The following POLR1E variants were observed in gnomAD, a reference collection of about 807,000 sequenced individuals.
The protein encoded by POLR1E is RNA polymerase I subunit E.
Under a neutral mutation model 50.9 loss-of-function variants are expected in POLR1E, and 37 were observed. That is an observed-to-expected ratio of 0.73 (90% CI 0.56 to 0.96). The LOEUF is 0.96. Ranked by LOEUF, POLR1E falls within the 40% of genes least tolerant of loss-of-function variation. POLR1E has a pLI of 0.00. For missense variants in POLR1E, 426 were observed against 518.1 expected, an observed-to-expected ratio of 0.82 and a Z score of 1.73; for synonymous variants, 166 against 191.6, an observed-to-expected ratio of 0.87 and a Z score of 1.10.
At chr9:37,487,358 A>G (rs1410820235) in intron 2 of POLR1E, among the ~76,000 whole-genome samples, 1 of 152,214 alleles carries the variant, frequency 6.6e-6, no homozygotes, top group African/African-American at 2.4e-5. Flanking sequence ...TGGTGAGGTC[A>G]TGTTGGAGCT....
At chr9:37,486,899 G>GGGGAGTAGT in intron 2 of POLR1E, 93 bp downstream of exon 2, 1 of 1,450,900 alleles carries the variant, frequency 6.9e-7, no homozygotes, top group Non-Finnish European at 9.2e-7. Context: ...GGGAGAAAAA[G>GGGGAGTAGT]GGGAGTAGTA....
chr9:37,486,365 C>T, intron 1 of POLR1E: 1 of 1,472,454 alleles, frequency 6.8e-7, no homozygotes, highest in Non-Finnish European at 9.1e-7. Context: ...CCTGCTGACC[C>T]CCTCACCCAC....
chr9:37,503,541 A>G lies in POLR1E; in HGVS notation c.*339A>G. 5.5e-6 allele frequency: 1 copy of G among 181,744 alleles called. No individual in the cohort carries two copies. Among genetic ancestry groups the G allele is most frequent in the Non-Finnish European group, 1.2e-5 (1 of 86,824 alleles). 11.3% of individuals were successfully genotyped at this position (181,744 alleles called of 1,614,324 possible). A position where few individuals can be genotyped will look rare whatever the true frequency, so the allele number is the denominator to read the frequency against. On this transcript the variant is annotated 3_prime_UTR_variant, in exon 12 of 12. Transcript: ENST00000377798. The stretch of plus-strand genomic sequence containing the variant: ...TGCAGTGAGCTATGATTGTGTGGCC[A>G]CACTCCATCCTGGGTCACAGAGTGA...
At chr9:37,498,014 C>T (rs891955550) in intron 8 of POLR1E, 77 bp from the exon 9 acceptor site, 67 of 1,516,352 alleles carry the variant, frequency 4.4e-5, no homozygotes, top group Non-Finnish European at 5.4e-5. Context: ...CTGCTGTTCT[C>T]GTTGTAAGAG....
rs750335393 is a variant in POLR1E at position 37,495,989 on chromosome 9, AC to A, written c.752+6del. On this transcript the variant is annotated splice_donor_region_variant and intron_variant, in intron 8 of 11. Transcript: ENST00000377798. ...CTGAAGATGATTGAGGAGAACAGGTACCCTGACTTAAGCAGATGGGGATTCT... is the reference window on the plus strand; with the variant it reads ...CTGAAGATGATTGAGGAGAACAGGTACCTGACTTAAGCAGATGGGGATTCT... 24 of 1,609,568 alleles carry A rather than the reference AC, an allele frequency of 1.5e-5. No homozygotes were observed. The highest frequency in any genetic ancestry group is 2.0e-5 in the Non-Finnish European group (24 of 1,176,044).
At chr9:37,499,061 A>G (rs1434090188) in intron 9 of POLR1E, among the ~76,000 whole-genome samples, 1 of 152,218 alleles carries the variant, frequency 6.6e-6, no homozygotes, top group Admixed American at 6.5e-5. Flanking sequence ...ATTATAGGCA[A>G]TTGTAACACA....
In POLR1E at chr9:37,486,630, G is replaced by T. The variant is rs752124432; in HGVS notation, c.77-73G>T. 5.6e-6 allele frequency: 9 copies of T among 1,614,012 alleles called. No homozygotes were observed. In the African/African-American group the frequency reaches 9.3e-5, roughly 17 times the overall value. ...GACACTCCCTCCCAGTGACAGTCTA[G>T]TCCCACCGTACATTGTGTGGTACAT... On this transcript the variant is annotated intron_variant, in intron 1 of 11. Coordinates refer to ENST00000377798, the MANE Select transcript of POLR1E (RefSeq NM_022490.4).
intron 1 of POLR1E, 93 bp downstream of exon 1, chr9:37,486,216 C>T (rs1820571590): frequency 1.4e-6 from 2 of 1,432,774 alleles, no homozygotes; most frequent in Non-Finnish European, 9.3e-7. Flanking sequence ...TTGGGCTTCT[C>T]CCCAGCGGGG....
chr9:37,497,565 C>A (rs1332690941), intron 8 of POLR1E, among the ~76,000 whole-genome samples: 1 of 152,142 alleles, frequency 6.6e-6, no homozygotes, highest in East Asian at 1.9e-4. Flanking sequence ...GGAGCACAGC[C>A]CTGTTCATTT....
chr9:37,502,923 C>A, intron 11 of POLR1E, 120 bp from the exon 12 acceptor site: 2 of 1,127,220 alleles, frequency 1.8e-6, no homozygotes, highest in Non-Finnish European at 2.5e-6. Flanking sequence ...TGCCTGCTGG[C>A]AACCTTTGGG....
intron 8 of POLR1E, among the ~76,000 whole-genome samples, 182 bp from the exon 9 acceptor site, chr9:37,497,909 T>C (rs1820812126): frequency 6.6e-6 from 1 of 152,150 alleles, no homozygotes; most frequent in South Asian, 2.1e-4. Flanking sequence ...ACCACACACA[T>C]GTGCCACCAT....
Position 37,498,162 on chromosome 9 carries a change from G to A in POLR1E, c.824G>A (p.Arg275Gln), listed in dbSNP as rs750699084. 27 of 1,613,816 alleles carry A rather than the reference G, an allele frequency of 1.7e-5. No homozygotes were observed. Among genetic ancestry groups the A allele is most frequent in the Admixed American group, 1.5e-4 (9 of 59,984 alleles). ...SDVESRDRQA[R>Q]CIWFLDTLIK... ...GTGGAGAGCCGAGACCGCCAGGCCC[G>A]ATGCATATGGTTTCTGGATACCCTC... Residue 275 changes from arginine to glutamine, a missense_variant, in exon 9 of 12, where the codon CGA (arginine) becomes CAA (glutamine). Transcript: ENST00000377798.
Position 37,498,122 on chromosome 9 carries a change from T to G in POLR1E, c.784T>G (p.Ser262Ala). Residue 262 changes from serine to alanine, a missense_variant, in exon 9 of 12, where the codon TCT becomes GCT. Coordinates refer to ENST00000377798, the MANE Select transcript of POLR1E (RefSeq NM_022490.4). ...HCTFVIEALK[S>A]LPSDVESRDR... is the part of the protein sequence containing the mutation. ...CACCTTTGTCATAGAAGCGTTGAAG[T>G]CTTTGCCATCAGATGTGGAGAGCCG... 1 of 1,614,146 alleles carries G rather than the reference T, an allele frequency of 6.2e-7. No homozygotes were observed. The highest frequency in any genetic ancestry group is 8.5e-7 in the Non-Finnish European group (1 of 1,180,006).
At chr9:37,487,997 CTGGCACTG>C in intron 3 of POLR1E, 58 bp downstream of exon 3, 1 of 1,525,522 alleles carries the variant, frequency 6.6e-7, no homozygotes, top group South Asian at 1.1e-5. Flanking sequence ...GGTGGCAGCA[CTGGCACTG>C]CTGTTTCCTG....
chr9:37,486,638 G>A lies in POLR1E; in HGVS notation c.77-65G>A, dbSNP rs565900075. The A allele has an allele frequency of 1.2e-5, 20 of 1,605,632 alleles. No individual in the cohort carries two copies. In the East Asian group the frequency reaches 2.2e-4, roughly 18 times the overall value. On this transcript the variant is annotated intron_variant, in intron 1 of 11. Coordinates refer to ENST00000377798, the MANE Select transcript of POLR1E (RefSeq NM_022490.4). ...CTCCCAGTGACAGTCTAGTCCCACC[G>A]TACATTGTGTGGTACATTGTGTGGC...
chr9:37,495,760 G>A (rs1216995834), intron 7 of POLR1E, 130 bp from the exon 8 acceptor site: 2 of 652,468 alleles, frequency 3.1e-6, no homozygotes, highest in Admixed American at 4.9e-5. Context: ...CTGCCCCTAT[G>A]TGATCTGCCC....
At chr9:37,498,684 A>G (rs1820826668) in intron 9 of POLR1E, among the ~76,000 whole-genome samples, 1 of 152,184 alleles carries the variant, frequency 6.6e-6, no homozygotes, top group Non-Finnish European at 1.5e-5. Flanking sequence ...CTAACAGGAG[A>G]GAGTCAATCT....
At chr9:37,493,842 C>A in intron 6 of POLR1E, 139 bp downstream of exon 6, 1 of 864,990 alleles carries the variant, frequency 1.2e-6, no homozygotes. Flanking sequence ...GGCCTTCTCA[C>A]GGACAGGTTC....
At chr9:37,486,280 T>A in intron 1 of POLR1E, 157 bp downstream of exon 1, 2 of 1,272,116 alleles carry the variant, frequency 1.6e-6, no homozygotes, top group South Asian at 3.1e-5. Flanking sequence ...GGCTCCCCTG[T>A]CCGTCTTTCT....
Sources: allele counts gnomAD v4.1 joint callset (sites outside exome capture counted in the v4.1 genomes callset), GRCh38; gene constraint gnomAD v4.1.1; transcripts MANE v1.5; gene names NCBI Gene and HGNC (gene_info 2026-07-23, HGNC 2026-07-21).